Variants in MMP26 observed in about 807,000 individuals in gnomAD.
MMP26 encodes the protein matrix metalloproteinase-26.
MMP26 carries 33 observed loss-of-function variants against 31.0 expected under a neutral mutation model. The observed-to-expected ratio is 1.06, with a 90% confidence interval of 0.81 to 1.42. MMP26 has a LOEUF of 1.42. Among genes scored for constraint, MMP26 ranks in the 40% most tolerant of loss-of-function variants. The probability of loss-of-function intolerance (pLI) is 0.00; values close to 1 mark genes in which losing one functional copy is unlikely to be tolerated. For missense variants in MMP26, 347 were observed against 316.1 expected (o/e 1.10, Z -0.74); for synonymous variants, 122 against 114.9 (o/e 1.06, Z -0.40).
rs138191673 is a variant in MMP26, at chr11:4,747,754, G to A, written c.-216-19516G>A. Among the ~76,000 whole-genome samples the A allele has an allele frequency of 1.1e-3, 165 of 152,134 alleles. 1 individual carries two copies. The highest frequency in any genetic ancestry group is 3.8e-3 in the African/African-American group (157 of 41,544). On this transcript the variant is annotated intron_variant, in intron 1 of 7. Coordinates refer to ENST00000380390, the MANE Select transcript of MMP26 (RefSeq NM_021801.5). The stretch of plus-strand genomic sequence containing the variant: ...CCAAAAGTGAAGATAAGATATTTTG[G>A]TGTTAAAATAGGCAACATAAGAAAA...
chr11:4,967,522 C>A (rs1846612539), intron 2 of MMP26, among the ~76,000 whole-genome samples: 2 of 152,162 alleles, frequency 1.3e-5, no homozygotes, highest in Admixed American at 6.5e-5. Context: ...TTCTTGAGGT[C>A]CCCAAGATAT....
At chr11:4,833,878 C>A (rs1849679502) in intron 2 of MMP26, among the ~76,000 whole-genome samples, 1 of 152,148 alleles carries the variant, frequency 6.6e-6, no homozygotes, top group South Asian at 2.1e-4. Flanking sequence ...ATATGTATTT[C>A]CACCATGATG....
intron 1 of MMP26, among the ~76,000 whole-genome samples, chr11:4,735,295 G>A (rs1282493145): frequency 3.3e-5 from 5 of 152,154 alleles, no homozygotes; most frequent in Non-Finnish European, 5.9e-5. Flanking sequence ...AATTTAAATG[G>A]TTATGTCTAT....
intron 1 of MMP26, among the ~76,000 whole-genome samples, chr11:4,765,792 CTG>C (rs1364496686): frequency 9.2e-5 from 14 of 152,214 alleles, no homozygotes; most frequent in African/African-American, 3.4e-4. Context: ...GATGTGTCCT[CTG>C]TGCACTTTTA....
At chr11:4,772,392 A>G (rs1321576446) in intron 2 of MMP26, among the ~76,000 whole-genome samples, 6 of 148,910 alleles carry the variant, frequency 4.0e-5, no homozygotes, top group Non-Finnish European at 9.1e-5. Flanking sequence ...TATGGTCACA[A>G]TAAAGAGGGA....
intron 2 of MMP26, among the ~76,000 whole-genome samples, chr11:4,869,653 AGT>A (rs1850284730): frequency 6.6e-6 from 1 of 152,188 alleles, no homozygotes; most frequent in Non-Finnish European, 1.5e-5. Context: ...TGTGGAAGAC[AGT>A]GTGGCAATTC....
At chr11:4,811,358 C>T (rs1325496361) in intron 2 of MMP26, among the ~76,000 whole-genome samples, 2 of 152,132 alleles carry the variant, frequency 1.3e-5, no homozygotes, top group Admixed American at 1.3e-4. Context: ...TTCAATCCAA[C>T]CTCCACGCTC....
intron 2 of MMP26, chr11:4,794,187 A>C (rs989218926): frequency 6.6e-6 from 1 of 152,270 alleles, no homozygotes; most frequent in African/African-American, 2.4e-5. Context: ...GGTCTAGGGC[A>C]AGATCTAGCT....
intron 2 of MMP26, among the ~76,000 whole-genome samples, chr11:4,834,324 CTT>C (rs1564790614): frequency 1.3e-5 from 2 of 152,130 alleles, no homozygotes; most frequent in Non-Finnish European, 2.9e-5. Context: ...ACCCAAATAA[CTT>C]TAATACCTGA....
At chr11:4,790,592 G>A (rs1270920785) in intron 2 of MMP26, among the ~76,000 whole-genome samples, 4 of 152,150 alleles carry the variant, frequency 2.6e-5, no homozygotes, top group Admixed American at 2.0e-4. Flanking sequence ...CAAATCAGGC[G>A]ATAGTTCTCT....
At chr11:4,839,846 A>G (rs1849770811) in intron 2 of MMP26, among the ~76,000 whole-genome samples, 1 of 151,848 alleles carries the variant, frequency 6.6e-6, no homozygotes, top group Non-Finnish European at 1.5e-5. Context: ...GTACCAGCAC[A>G]ACCACAGGGG....
intron 2 of MMP26, among the ~76,000 whole-genome samples, chr11:4,868,437 G>C (rs1331191815): frequency 6.6e-6 from 1 of 152,108 alleles, no homozygotes; most frequent in East Asian, 1.9e-4. Context: ...GACAAACAGA[G>C]AGCCAAATCA....
intron 2 of MMP26, among the ~76,000 whole-genome samples, chr11:4,843,300 C>A (rs1849821503): frequency 6.6e-6 from 1 of 152,226 alleles, no homozygotes; most frequent in South Asian, 2.1e-4. Context: ...CACTCCACTG[C>A]CTTAGTAGAA....
At chr11:4,967,139 T>A (rs1445895891) in intron 2 of MMP26, among the ~76,000 whole-genome samples, 1 of 152,320 alleles carries the variant, frequency 6.6e-6, no homozygotes, top group Non-Finnish European at 1.5e-5. Flanking sequence ...TAATGCCAAG[T>A]CAGAAGGGTA....
intron 1 of MMP26, among the ~76,000 whole-genome samples, chr11:4,745,835 T>C (rs941159936): frequency 6.6e-6 from 1 of 152,236 alleles, no homozygotes. Flanking sequence ...TTTTCCAGGA[T>C]GTCATATAGT....
chr11:4,789,986 G>A (rs58754867), intron 2 of MMP26, among the ~76,000 whole-genome samples: 14,393 of 152,186 alleles, frequency 0.095, 854 homozygotes, highest in Middle Eastern at 0.15. Context: ...TAAATATGTA[G>A]CATTTGATAT....
chr11:4,878,326 T>C (rs1850412605), intron 2 of MMP26, among the ~76,000 whole-genome samples: 1 of 152,182 alleles, frequency 6.6e-6, no homozygotes, highest in Non-Finnish European at 1.5e-5. Flanking sequence ...TATTCAGTGA[T>C]GAACATAGAA....
At chr11:4,977,769 C>T (rs965128295) in intron 2 of MMP26, among the ~76,000 whole-genome samples, 11 of 152,118 alleles carry the variant, frequency 7.2e-5, no homozygotes, top group African/African-American at 2.7e-4. Flanking sequence ...TGTCTTGAGG[C>T]TCCAACTGTT....
At chr11:4,957,774 G>A (rs1846464583) in intron 2 of MMP26, among the ~76,000 whole-genome samples, 1 of 151,808 alleles carries the variant, frequency 6.6e-6, no homozygotes, top group Non-Finnish European at 1.5e-5. Context: ...CATCTCCTAG[G>A]TTCAAGCGAT....
Sources: gnomAD v4.1 joint callset for allele counts (sites outside exome capture counted in the v4.1 genomes callset) on GRCh38, gnomAD v4.1.1 for gene constraint, MANE v1.5 for transcripts, NCBI Gene and HGNC (gene_info 2026-07-23, HGNC 2026-07-21) for gene names.